Variants in SHROOM4 observed in about 807,000 individuals in gnomAD.
SHROOM4 encodes the protein protein Shroom4.
In SHROOM4, 17 loss-of-function variants were observed where a neutral mutation model predicts 80.3. That is an observed-to-expected ratio of 0.21 (90% CI 0.14 to 0.32). The LOEUF (loss-of-function observed/expected upper bound fraction) is 0.32, where lower values mean the gene tolerates loss of function less well. Ranked by LOEUF, SHROOM4 falls within the 10% of genes least tolerant of loss-of-function variation. SHROOM4 has a pLI of 1.00. For synonymous variants in SHROOM4, 400 were observed against 437.5 expected, an observed-to-expected ratio of 0.91 and a Z score of 1.07; for missense variants, 993 against 1,140.3, an observed-to-expected ratio of 0.87 and a Z score of 1.86.
intron 2 of SHROOM4, among the ~76,000 whole-genome samples, chrX:50,643,859 A>C (rs1025837988): frequency 5.3e-5 from 6 of 112,904 alleles, no homozygotes; most frequent in African/African-American, 1.9e-4. Flanking sequence ...GTGTCTAAAA[A>C]GAATTTTTAA....
chrX:50,760,633 T>C (rs1486009449), intron 1 of SHROOM4, among the ~76,000 whole-genome samples: 2 of 111,849 alleles, frequency 1.8e-5, no homozygotes, highest in African/African-American at 6.5e-5. Context: ...CAAGCACACC[T>C]GACAACATTT....
chrX:50,659,983 T>A (rs1557259809), intron 2 of SHROOM4, among the ~76,000 whole-genome samples: 2 of 112,492 alleles, frequency 1.8e-5, no homozygotes, highest in East Asian at 5.6e-4. Context: ...TATAGTTTAT[T>A]TAGCCTTTAC....
Position 50,804,711 on chromosome X carries a change from A to G in SHROOM4, c.117+9191T>C, listed in dbSNP as rs149220906. On this transcript the variant is annotated intron_variant, in intron 1 of 8. Transcript: ENST00000376020. ...CTCAAAGAGTTACTGTAAAAGTTAA[A>G]TGAAAATACATGTAAAACACCTAGA... 3.7e-4 allele frequency among the ~76,000 whole-genome samples: 41 copies of G among 112,309 alleles called. 2 individuals carry two copies. In the East Asian group the frequency reaches 0.011, roughly 31 times the overall value.
chrX:50,707,836 T>C (rs1557264090), intron 1 of SHROOM4, among the ~76,000 whole-genome samples: 1 of 111,621 alleles, frequency 9.0e-6, no homozygotes, highest in African/African-American at 3.3e-5. Context: ...TAAGGTTTGA[T>C]TAAAACAGAG....
chrX:50,637,008 G>A (rs1358993527), intron 3 of SHROOM4, among the ~76,000 whole-genome samples: 1 of 111,406 alleles, frequency 9.0e-6, no homozygotes, highest in Non-Finnish European at 1.9e-5. Flanking sequence ...TTTGCCATCA[G>A]GATCCTCTCT....
intron 2 of SHROOM4, among the ~76,000 whole-genome samples, chrX:50,691,732 T>C (rs1557262646): frequency 1.8e-5 from 2 of 111,897 alleles, no homozygotes; most frequent in African/African-American, 3.3e-5. Context: ...TGTCAGCTGA[T>C]TGTTTACTCA....
chrX:50,639,602 G>T (rs1931506231), intron 2 of SHROOM4, among the ~76,000 whole-genome samples: 1 of 111,391 alleles, frequency 9.0e-6, no homozygotes, highest in African/African-American at 3.3e-5. Flanking sequence ...AATAGGATAA[G>T]GGCCCCTGCC....
intron 7 of SHROOM4, 42 bp from the exon 8 acceptor site, chrX:50,598,577 G>T: frequency 1.7e-6 from 2 of 1,176,426 alleles, no homozygotes; most frequent in Non-Finnish European, 2.3e-6. Context: ...TGAGAATGGG[G>T]ATCAACAGAA....
At chrX:50,760,800 T>C (rs1259668430) in intron 1 of SHROOM4, among the ~76,000 whole-genome samples, 11 of 111,965 alleles carry the variant, frequency 9.8e-5, no homozygotes, top group Admixed American at 8.5e-4. Flanking sequence ...AGCATACAGT[T>C]AGACCTCAGT....
At chrX:50,675,634 G>A (rs1932845215) in intron 2 of SHROOM4, among the ~76,000 whole-genome samples, 1 of 111,036 alleles carries the variant, frequency 9.0e-6, no homozygotes, top group Admixed American at 9.6e-5. Context: ...AGTTAGTATT[G>A]AGAAAATAGT....
intron 1 of SHROOM4, among the ~76,000 whole-genome samples, chrX:50,785,068 A>G (rs1557270935): frequency 8.9e-6 from 1 of 112,044 alleles, no homozygotes; most frequent in East Asian, 2.8e-4. Flanking sequence ...AGAAATTCCA[A>G]TACATATCTA....
At chrX:50,699,748 C>G (rs1459202939) in intron 1 of SHROOM4, among the ~76,000 whole-genome samples, 2 of 112,086 alleles carry the variant, frequency 1.8e-5, no homozygotes, top group African/African-American at 6.5e-5. Flanking sequence ...TAGCTGTCAA[C>G]AAAGTGACAA....
chrX:50,763,783 T>C (rs1557269098), intron 1 of SHROOM4, among the ~76,000 whole-genome samples: 1 of 111,367 alleles, frequency 9.0e-6, no homozygotes, highest in Non-Finnish European at 1.9e-5. Flanking sequence ...TACTTATAAA[T>C]TGGCTCCATG....
intron 1 of SHROOM4, among the ~76,000 whole-genome samples, chrX:50,721,064 A>C (rs1163643401): frequency 9.0e-6 from 1 of 111,506 alleles, no homozygotes; most frequent in Non-Finnish European, 1.9e-5. Flanking sequence ...CTGTTTTGAA[A>C]AGATCACTGT....
intron 1 of SHROOM4, among the ~76,000 whole-genome samples, chrX:50,805,931 CT>C (rs1936217183): frequency 1.8e-5 from 2 of 110,317 alleles, no homozygotes; most frequent in Non-Finnish European, 3.8e-5. Context: ...TCTCTCCCTC[CT>C]CCCTACCCAC....
rs1557245605 is a variant in SHROOM4, at chrX:50,591,884, A to C, written c.*4811T>G. ...TGGTGCGTGCCACCACACCTGGCTA[A>C]TTTTTTGTATTTTTAGTAGAGATAG... On this transcript the variant is annotated 3_prime_UTR_variant, in exon 9 of 9. Coordinates refer to ENST00000376020, the MANE Select transcript of SHROOM4 (RefSeq NM_020717.5). The C allele has an allele frequency of 3.2e-6, 1 of 316,870 alleles. No individual in the cohort carries two copies. The highest frequency in any genetic ancestry group is 6.1e-6 in the Non-Finnish European group (1 of 164,091). 26.1% of individuals were successfully genotyped at this position (316,870 alleles called of 1,213,427 possible).
downstream of SHROOM4, among the ~76,000 whole-genome samples, chrX:50,585,539 C>G (rs1602342916): frequency 9.0e-6 from 1 of 111,460 alleles, no homozygotes; most frequent in Non-Finnish European, 1.9e-5. Flanking sequence ...GCCTTATATG[C>G]AAGAATCAGG....
At chrX:50,791,921 T>C (rs1557271565) in intron 1 of SHROOM4, among the ~76,000 whole-genome samples, 3 of 110,658 alleles carry the variant, frequency 2.7e-5, no homozygotes, top group Non-Finnish European at 5.7e-5. Context: ...CAAGTGATCT[T>C]TGAGAAGGGT....
At chrX:50,680,000 G>A (rs782327555) in intron 2 of SHROOM4, among the ~76,000 whole-genome samples, 3 of 111,932 alleles carry the variant, frequency 2.7e-5, no homozygotes, top group African/African-American at 9.7e-5. Flanking sequence ...TGACTTTCAT[G>A]TTGCCAAAAT....
Sources: gnomAD v4.1 joint callset for allele counts (sites outside exome capture counted in the v4.1 genomes callset) on GRCh38, gnomAD v4.1.1 for gene constraint, MANE v1.5 for transcripts, NCBI Gene and HGNC (gene_info 2026-07-23, HGNC 2026-07-21) for gene names.